Variants in CRPPA observed in about 807,000 individuals in gnomAD.
CRPPA encodes CDP-L-ribitol pyrophosphorylase A, also known as D-ribitol-5-phosphate cytidylyltransferase.
In CRPPA, 43 loss-of-function variants were observed where a neutral mutation model predicts 52.0. The observed-to-expected ratio is 0.83, with a 90% CI of 0.65 to 1.07. The LOEUF is 1.07. Ranked by LOEUF, CRPPA falls within the 50% of genes least tolerant of loss-of-function variation. CRPPA has a pLI of 0.00. For missense variants in CRPPA, 629 were observed against 551.7 expected, an observed-to-expected ratio of 1.14 and a Z score of -1.40; for synonymous variants, 250 against 203.5, an observed-to-expected ratio of 1.23 and a Z score of -1.94.
At chr7:16,244,373 G>A (rs1224432378) in intron 8 of CRPPA, among the ~76,000 whole-genome samples, 3 of 152,086 alleles carry the variant, frequency 2.0e-5, no homozygotes, top group Non-Finnish European at 2.9e-5. Flanking sequence ...CAACAACCAA[G>A]CACCATTAAC....
At chr7:16,272,211 G>A (rs984025497) in intron 6 of CRPPA, among the ~76,000 whole-genome samples, 10 of 152,122 alleles carry the variant, frequency 6.6e-5, no homozygotes, top group African/African-American at 2.4e-4. Flanking sequence ...TCAGTAAAAA[G>A]TGCCTGTGAA....
rs561497755 is a variant in CRPPA, at chr7:16,387,108, TAC to T, written c.535-10869_535-10868del. Among the ~76,000 whole-genome samples, 342 of 141,592 alleles carry T rather than the reference TAC, an allele frequency of 2.4e-3. 6 individuals are homozygous for T. Among genetic ancestry groups the T allele is most frequent in the Admixed American group, 8.4e-3 (119 of 14,158 alleles). The allele number at this position is 141,592 out of a possible 152,430, so 92.9% of individuals were successfully genotyped here. A position where few individuals can be genotyped will look rare whatever the true frequency, so the allele number is the denominator to read the frequency against. Reference sequence around the variant, plus strand: ...ATATACACACATATATATATGTATATACACACACACACACTTGCTCACTTTTC... The same window carrying T: ...ATATACACACATATATATATGTATATACACACACACACTTGCTCACTTTTC... On this transcript the variant is annotated intron_variant, in intron 2 of 9. Transcript: ENST00000407010.
chr7:16,408,123 A>T (rs1396384707), intron 1 of CRPPA, among the ~76,000 whole-genome samples: 11 of 137,238 alleles, frequency 8.0e-5, no homozygotes, highest in Non-Finnish European at 1.4e-4. Flanking sequence ...AAAAAAAAAT[A>T]AAAAAATAAC....
chr7:16,229,862 G>A (rs1782745474), intron 8 of CRPPA, among the ~76,000 whole-genome samples: 1 of 152,032 alleles, frequency 6.6e-6, no homozygotes, highest in Non-Finnish European at 1.5e-5. Context: ...GTCCAGGAAA[G>A]TATTCATCTT....
intron 9 of CRPPA, among the ~76,000 whole-genome samples, chr7:16,215,150 A>G (rs1260056068): frequency 6.6e-6 from 1 of 152,248 alleles, no homozygotes; most frequent in Non-Finnish European, 1.5e-5. Context: ...AAATAATTTC[A>G]TAAACAATAG....
At chr7:16,334,446 C>G (rs140499796) in intron 3 of CRPPA, among the ~76,000 whole-genome samples, 2 of 152,190 alleles carry the variant, frequency 1.3e-5, no homozygotes, top group Non-Finnish European at 2.9e-5. Context: ...AACTTCAGTG[C>G]TCTGCTTAAT....
intron 8 of CRPPA, among the ~76,000 whole-genome samples, chr7:16,222,860 T>G (rs991342724): frequency 6.6e-6 from 1 of 152,238 alleles, no homozygotes; most frequent in Admixed American, 6.5e-5. Context: ...TGTGATATTT[T>G]GTTACATGCA....
intron 9 of CRPPA, among the ~76,000 whole-genome samples, chr7:16,109,241 TAACAC>T (rs1782213012): frequency 6.6e-6 from 1 of 151,670 alleles, no homozygotes; most frequent in African/African-American, 2.4e-5. Context: ...TTACAACTGA[TAACAC>T]AAAAATACAA....
At chr7:16,378,844 C>T (rs939819660) in intron 2 of CRPPA, among the ~76,000 whole-genome samples, 10 of 152,114 alleles carry the variant, frequency 6.6e-5, no homozygotes, top group Non-Finnish European at 1.3e-4. Context: ...TTTTGATTTG[C>T]ATTTCTCTGA....
In CRPPA at chr7:16,108,350, C is replaced by A. The variant is rs74297952; in HGVS notation, c.1252-16551G>T. On this transcript the variant is annotated intron_variant, in intron 9 of 9. Coordinates refer to ENST00000407010, the MANE Select transcript of CRPPA (RefSeq NM_001101426.4). ...ATACTTAGACAAAATAGACTTTACA[C>A]CAAATACATCATAAAGAGACAAAGG... Among the ~76,000 whole-genome samples the A allele has an allele frequency of 0.017, 2,635 of 151,484 alleles. 224 individuals carry two copies. In the East Asian group the frequency reaches 0.29, roughly 17 times the overall value.
intron 9 of CRPPA, among the ~76,000 whole-genome samples, chr7:16,124,264 T>C (rs1042788153): frequency 2.0e-5 from 3 of 152,148 alleles, no homozygotes; most frequent in Non-Finnish European, 4.4e-5. Context: ...AAATAGCTCA[T>C]TGTGGTTTAG....
chr7:16,275,921 A>T (rs1171700552), intron 6 of CRPPA, among the ~76,000 whole-genome samples: 1 of 152,070 alleles, frequency 6.6e-6, no homozygotes, highest in Non-Finnish European at 1.5e-5. Flanking sequence ...ACCCATGCAC[A>T]TCAGAAAGAC....
At chr7:16,304,381 T>A (rs1335136033) in intron 4 of CRPPA, among the ~76,000 whole-genome samples, 1 of 152,058 alleles carries the variant, frequency 6.6e-6, no homozygotes, top group Non-Finnish European at 1.5e-5. Context: ...GAAGGTGACA[T>A]CAAGCCAGAA....
chr7:16,408,453 G>A (rs1788006548), intron 1 of CRPPA, among the ~76,000 whole-genome samples: 2 of 152,184 alleles, frequency 1.3e-5, no homozygotes, highest in Admixed American at 6.5e-5. Context: ...GGAGTTCCCC[G>A]AGCAAGGAGA....
intron 8 of CRPPA, among the ~76,000 whole-genome samples, chr7:16,228,327 T>C (rs1444992524): frequency 2.0e-5 from 3 of 151,940 alleles, no homozygotes; most frequent in Non-Finnish European, 4.4e-5. Flanking sequence ...CTGCTCTATA[T>C]TGTTTCCTTC....
At chr7:16,272,890 C>A (rs928697339) in intron 6 of CRPPA, among the ~76,000 whole-genome samples, 15 of 151,982 alleles carry the variant, frequency 9.9e-5, no homozygotes, top group African/African-American at 3.6e-4. Context: ...AGGGGGAAAT[C>A]ATAGGGTTAT....
intron 8 of CRPPA, among the ~76,000 whole-genome samples, chr7:16,233,504 A>C (rs1782862905): frequency 6.6e-6 from 1 of 152,166 alleles, no homozygotes; most frequent in African/African-American, 2.4e-5. Context: ...ATATTCAAGA[A>C]TTAGAGAATA....
At chr7:16,093,314 G>T (rs2056419) in intron 9 of CRPPA, among the ~76,000 whole-genome samples, 120,140 of 152,078 alleles carry the variant, frequency 0.79, 48,837 homozygotes, top group Admixed American at 0.88. Context: ...TTGTTGACAC[G>T]GACTGCAATT....
chr7:16,259,344 G>C (rs1481624137), intron 6 of CRPPA, among the ~76,000 whole-genome samples: 1 of 151,988 alleles, frequency 6.6e-6, no homozygotes. Context: ...AGGACTAAAA[G>C]AGAAAGGGTG....
Sources: gnomAD v4.1 joint callset for allele counts (sites outside exome capture counted in the v4.1 genomes callset) on GRCh38, gnomAD v4.1.1 for gene constraint, MANE v1.5 for transcripts, NCBI Gene and HGNC (gene_info 2026-07-23, HGNC 2026-07-21) for gene names.